Variants in TIAM1 observed in about 807,000 individuals in gnomAD.
TIAM1 encodes the protein rho guanine nucleotide exchange factor TIAM1.
In TIAM1, 65 loss-of-function variants were observed where a neutral mutation model predicts 163.5. The observed-to-expected ratio is 0.40, with a 90% CI of 0.33 to 0.49. The LOEUF (loss-of-function observed/expected upper bound fraction) is 0.49. Among genes scored for constraint, TIAM1 ranks in the 20% least tolerant of loss-of-function variants. TIAM1 has a pLI of 0.77. For missense variants in TIAM1, 1,789 were observed against 2,044.7 expected, an observed-to-expected ratio of 0.87 and a Z score of 2.41; for synonymous variants, 833 against 810.1, an observed-to-expected ratio of 1.03 and a Z score of -0.48.
intron 2 of TIAM1, among the ~76,000 whole-genome samples, chr21:31,362,697 C>T (rs2076428759): frequency 6.6e-6 from 1 of 151,860 alleles, no homozygotes; most frequent in South Asian, 2.1e-4. Context: ...GAACTCTTGA[C>T]CTCAAGTGAT....
At chr21:31,209,577 G>A (rs1013797668) in intron 11 of TIAM1, among the ~76,000 whole-genome samples, 1 of 152,200 alleles carries the variant, frequency 6.6e-6, no homozygotes, top group Non-Finnish European at 1.5e-5. Flanking sequence ...TAGTGTATCG[G>A]TTACTGATTA....
chr21:31,394,698 T>TCTCTCTCG (rs2077024642), intron 2 of TIAM1, among the ~76,000 whole-genome samples: 1 of 130,818 alleles, frequency 7.6e-6, no homozygotes, highest in Non-Finnish European at 1.6e-5. Context: ...TCTCTCTCTC[T>TCTCTCTCG]CTCTCTCTCG....
rs74655630 is a variant in TIAM1 at position 31,365,306 on chromosome 21, T to C, written c.-368-25884A>G. ...TCTGTCTTTATTGCATAATTCTCCA[T>C]GGATGTGCTGATGTTTCCGTCTTGT... On this transcript the variant is annotated intron_variant, in intron 2 of 28. Transcript: ENST00000286827. Among the ~76,000 whole-genome samples, 1,049 of 152,154 alleles carry C rather than the reference T, an allele frequency of 6.9e-3. 9 individuals carry two copies. Among genetic ancestry groups the C allele is most frequent in the African/African-American group, 0.023 (956 of 41,492 alleles).
At position 31,195,303 on chromosome 21, in the gene TIAM1, C is replaced by A; in HGVS notation, c.2496G>T (p.Leu832=). ...TTGGACAGATTTCAATTTCTTTGTA[C>A]AGCTGAAAGTTACAAAGGGGAATCT... ...PQPEEDIYEL[L]YKEIEICPKV... is the part of the protein sequence containing the mutation. Residue 832 remains leucine, a splice_region_variant and synonymous_variant, in exon 13 of 28, where the codon CTG becomes CTT. Transcript: ENST00000541036. 6.2e-7 allele frequency: 1 copy of A among 1,608,648 alleles called. No homozygotes were observed.
chr21:31,161,078 T>TG (rs1568944076), intron 16 of TIAM1, among the ~76,000 whole-genome samples: 34 of 144,754 alleles, frequency 2.3e-4, no homozygotes, highest in South Asian at 4.3e-4. Context: ...TGTGTGTGTG[T>TG]TTAACAGTTG....
At chr21:31,311,746 G>C (rs1483162694) in intron 2 of TIAM1, among the ~76,000 whole-genome samples, 2 of 152,222 alleles carry the variant, frequency 1.3e-5, no homozygotes, top group South Asian at 4.1e-4. Context: ...TTAATACTGA[G>C]TGTCAACTTG....
intron 26 of TIAM1, among the ~76,000 whole-genome samples, chr21:31,125,870 C>T (rs988793026): frequency 6.6e-6 from 1 of 152,180 alleles, no homozygotes; most frequent in Non-Finnish European, 1.5e-5. Context: ...CCACCATGCC[C>T]AGCACCAGTG....
At chr21:31,179,246 G>A (rs891353314) in intron 15 of TIAM1, among the ~76,000 whole-genome samples, 12 of 151,542 alleles carry the variant, frequency 7.9e-5, no homozygotes, top group African/African-American at 2.9e-4. Flanking sequence ...AATTAGCCAG[G>A]CGAGGTGGCA....
At chr21:31,484,493 G>C (rs1036914246) in intron 1 of TIAM1, among the ~76,000 whole-genome samples, 1 of 152,190 alleles carries the variant, frequency 6.6e-6, no homozygotes, top group Non-Finnish European at 1.5e-5. Context: ...TACTTAAACA[G>C]CAGCTCTTAA....
chr21:31,486,166 G>A (rs185104426), intron 1 of TIAM1, among the ~76,000 whole-genome samples: 1 of 152,322 alleles, frequency 6.6e-6, no homozygotes, highest in African/African-American at 2.4e-5. Flanking sequence ...GGTGCCATAA[G>A]GCACTGTGAA....
At chr21:31,426,025 G>A (rs747678022) in intron 2 of TIAM1, among the ~76,000 whole-genome samples, 7 of 152,038 alleles carry the variant, frequency 4.6e-5, no homozygotes, top group Non-Finnish European at 7.4e-5. Flanking sequence ...AAACCACCGC[G>A]CCCAGACCAT....
intron 1 of TIAM1, among the ~76,000 whole-genome samples, chr21:31,499,012 G>T (rs1206745874): frequency 6.6e-6 from 1 of 151,254 alleles, no homozygotes; most frequent in Non-Finnish European, 1.5e-5. Flanking sequence ...GGGAGGGGAG[G>T]GGGAAAGGAA....
intron 2 of TIAM1, among the ~76,000 whole-genome samples, chr21:31,296,091 AC>A (rs1223957684): frequency 6.6e-6 from 1 of 152,138 alleles, no homozygotes; most frequent in African/African-American, 2.4e-5. Flanking sequence ...GAGCCACCGC[AC>A]CCGGCCAACT....
At chr21:31,241,043 A>G (rs2146699452) in intron 6 of TIAM1, among the ~76,000 whole-genome samples, 1 of 152,272 alleles carries the variant, frequency 6.6e-6, no homozygotes, top group African/African-American at 2.4e-5. Flanking sequence ...GTTCCCCTGC[A>G]CATGCTCTCT....
intron 2 of TIAM1, among the ~76,000 whole-genome samples, chr21:31,365,822 G>A (rs2076495377): frequency 6.6e-6 from 1 of 151,832 alleles, no homozygotes; most frequent in Admixed American, 6.6e-5. Flanking sequence ...ATGACATAAG[G>A]CCGGGCACGG....
intron 9 of TIAM1, among the ~76,000 whole-genome samples, chr21:31,213,701 A>AT (rs11378014): frequency 6.6e-6 from 1 of 151,842 alleles, no homozygotes; most frequent in Non-Finnish European, 1.5e-5. Flanking sequence ...GAAAAAAAAA[A>AT]GTTTGCTCTC....
chr21:31,511,770 A>G (rs1159959266), intron 1 of TIAM1, among the ~76,000 whole-genome samples: 2 of 152,254 alleles, frequency 1.3e-5, no homozygotes, highest in East Asian at 3.8e-4. Context: ...AGAAAGGGAA[A>G]ATGTAATAAT....
chr21:31,455,988 T>C (rs7510175), intron 2 of TIAM1, among the ~76,000 whole-genome samples: 18,576 of 152,112 alleles, frequency 0.12, 1,518 homozygotes, highest in Non-Finnish European at 0.18. Flanking sequence ...AGGGTGGCAA[T>C]GTGTCCGTGT....
chr21:31,463,141 C>T (rs2045395220), intron 2 of TIAM1, among the ~76,000 whole-genome samples: 1 of 152,134 alleles, frequency 6.6e-6, no homozygotes, highest in Non-Finnish European at 1.5e-5. Context: ...AGGGAGTGAC[C>T]TTACCCAGGA....
Sources: allele counts gnomAD v4.1 joint callset (sites outside exome capture counted in the v4.1 genomes callset), GRCh38; gene constraint gnomAD v4.1.1; transcripts MANE v1.5; gene names NCBI Gene and HGNC (gene_info 2026-07-23, HGNC 2026-07-21).